Variants in SGCZ observed in about 807,000 individuals in gnomAD.
SGCZ encodes the protein zeta-sarcoglycan.
SGCZ carries 40 observed loss-of-function variants against 41.3 expected under a neutral mutation model. The observed-to-expected ratio is 0.97, with a 90% CI of 0.75 to 1.26. SGCZ has a LOEUF of 1.26. Among genes scored for constraint, SGCZ ranks in the 50% most tolerant of loss-of-function variants. SGCZ has a pLI of 0.00. For missense variants in SGCZ, 552 were observed against 369.8 expected (o/e 1.49, Z -4.04); for synonymous variants, 206 against 137.5 (o/e 1.50, Z -3.49).
At chr8:14,290,788 C>G (rs1007812167) in intron 3 of SGCZ, among the ~76,000 whole-genome samples, 8 of 152,026 alleles carry the variant, frequency 5.3e-5, no homozygotes, top group African/African-American at 1.9e-4. Flanking sequence ...TGGAGGTTCC[C>G]TCATAAGCTA....
rs79046514 is a variant in SGCZ at position 14,320,401 on chromosome 8, C to T, written c.336+3702G>A. 6.8e-3 allele frequency among the ~76,000 whole-genome samples: 1,023 copies of T among 151,512 alleles called. 8 individuals carry two copies. Among genetic ancestry groups the T allele is most frequent in the Non-Finnish European group, 0.01 (701 of 67,834 alleles). ...GTAATCAGGAAAGACATTTGCTGTG[C>T]TCGCCTGGCCCCATGGCTTTGTGAC... On this transcript the variant is annotated intron_variant, in intron 3 of 7. Coordinates refer to ENST00000382080, the MANE Select transcript of SGCZ (RefSeq NM_139167.4).
intron 1 of SGCZ, among the ~76,000 whole-genome samples, chr8:14,669,989 C>A (rs141482377): frequency 1.4e-4 from 22 of 152,286 alleles, no homozygotes; most frequent in African/African-American, 2.4e-4. Flanking sequence ...ACAGCATATA[C>A]AAGTACAGCA....
At chr8:14,981,042 C>A (rs371690348) in intron 1 of SGCZ, among the ~76,000 whole-genome samples, 6 of 152,152 alleles carry the variant, frequency 3.9e-5, no homozygotes, top group African/African-American at 1.2e-4. Flanking sequence ...CCTACTAAAT[C>A]TTAATTAAAT....
intron 1 of SGCZ, among the ~76,000 whole-genome samples, chr8:14,683,219 A>G (rs1487180364): frequency 6.6e-6 from 1 of 152,180 alleles, no homozygotes. Context: ...CAATAGACTA[A>G]TTTATAATAA....
At chr8:14,876,276 G>C (rs1050729982) in intron 1 of SGCZ, among the ~76,000 whole-genome samples, 4 of 152,104 alleles carry the variant, frequency 2.6e-5, no homozygotes, top group African/African-American at 7.2e-5. Flanking sequence ...GAAGAAGACA[G>C]GGGGAAATGG....
At chr8:14,794,909 C>A (rs1801075533) in intron 1 of SGCZ, among the ~76,000 whole-genome samples, 1 of 152,142 alleles carries the variant, frequency 6.6e-6, no homozygotes, top group Admixed American at 6.5e-5. Context: ...AGAAAAATAA[C>A]TGTCAATGAA....
intron 1 of SGCZ, among the ~76,000 whole-genome samples, chr8:14,575,640 T>C (rs917715906): frequency 1.3e-5 from 2 of 151,938 alleles, no homozygotes; most frequent in Admixed American, 1.3e-4. Flanking sequence ...GGCACAGTGG[T>C]GTACGCCTGT....
At chr8:14,560,242 T>C (rs755132297) in intron 1 of SGCZ, among the ~76,000 whole-genome samples, 5 of 152,024 alleles carry the variant, frequency 3.3e-5, no homozygotes, top group Non-Finnish European at 5.9e-5. Flanking sequence ...AAGATAAATG[T>C]TTGAGGTTAT....
chr8:15,204,178 A>T lies in SGCZ; in HGVS notation c.39+33407T>A, dbSNP rs575473275. On this transcript the variant is annotated intron_variant, in intron 1 of 7. Coordinates refer to ENST00000382080, the MANE Select transcript of SGCZ (RefSeq NM_139167.4). Reference sequence around the variant, plus strand: ...AGAACTCTGTATATCCAATGGTAATAAAGAGGCAGTTGATCACCTTAAGAT... The same window carrying T: ...AGAACTCTGTATATCCAATGGTAATTAAGAGGCAGTTGATCACCTTAAGAT... Among the ~76,000 whole-genome samples the T allele has an allele frequency of 2.0e-5, 3 of 152,314 alleles. No homozygotes were observed. In the East Asian group the frequency reaches 5.8e-4, roughly 29 times the overall value.
intron 2 of SGCZ, among the ~76,000 whole-genome samples, chr8:14,354,423 T>A (rs1803216955): frequency 6.6e-6 from 1 of 152,034 alleles, no homozygotes; most frequent in South Asian, 2.1e-4. Flanking sequence ...TATAGTAAGA[T>A]ATTTTCTAAG....
chr8:14,469,488 T>C (rs1274974094), intron 2 of SGCZ, among the ~76,000 whole-genome samples: 1 of 152,118 alleles, frequency 6.6e-6, no homozygotes, highest in South Asian at 2.1e-4. Context: ...TAAATGATTG[T>C]CTCCATGAGT....
intron 1 of SGCZ, among the ~76,000 whole-genome samples, chr8:14,849,731 T>A (rs892851129): frequency 6.6e-6 from 1 of 152,134 alleles, no homozygotes; most frequent in African/African-American, 2.4e-5. Flanking sequence ...GGTGTCTATT[T>A]AATGAATGTA....
chr8:14,890,574 A>T (rs1482703337), intron 1 of SGCZ, among the ~76,000 whole-genome samples: 1 of 152,232 alleles, frequency 6.6e-6, no homozygotes, highest in Admixed American at 6.5e-5. Context: ...GAAAGAAACC[A>T]TCCCCATAAC....
chr8:14,332,816 G>A (rs369155671), intron 2 of SGCZ, among the ~76,000 whole-genome samples: 2 of 150,612 alleles, frequency 1.3e-5, no homozygotes, highest in South Asian at 4.2e-4. Context: ...TAGATATATA[G>A]AATATACTTA....
chr8:14,847,808 A>T (rs1053313271), intron 1 of SGCZ, among the ~76,000 whole-genome samples: 15 of 149,226 alleles, frequency 1.0e-4, no homozygotes, highest in African/African-American at 3.2e-4. Flanking sequence ...AAAAAAAAAA[A>T]CCTGACTGTT....
intron 1 of SGCZ, among the ~76,000 whole-genome samples, chr8:15,236,425 G>C (rs887225434): frequency 6.6e-6 from 1 of 151,546 alleles, no homozygotes; most frequent in South Asian, 2.1e-4. Flanking sequence ...TCTATTCGTC[G>C]TTTCTCCAGC....
chr8:15,035,697 C>T (rs1476198805), intron 1 of SGCZ, among the ~76,000 whole-genome samples: 1 of 151,888 alleles, frequency 6.6e-6, no homozygotes, highest in African/African-American at 2.4e-5. Context: ...AGCTACGCTT[C>T]AGTAAAATAA....
chr8:14,945,224 G>A (rs899036863), intron 1 of SGCZ, among the ~76,000 whole-genome samples: 1 of 151,952 alleles, frequency 6.6e-6, no homozygotes, highest in Non-Finnish European at 1.5e-5. Flanking sequence ...TGAATTTATG[G>A]AGAACACAAA....
intron 2 of SGCZ, among the ~76,000 whole-genome samples, chr8:14,339,831 A>G (rs1474262731): frequency 6.6e-6 from 1 of 152,202 alleles, no homozygotes; most frequent in African/African-American, 2.4e-5. Flanking sequence ...AAAATTGACG[A>G]ATATATTGGA....
Sources: gnomAD v4.1 joint callset for allele counts (sites outside exome capture counted in the v4.1 genomes callset) on GRCh38, gnomAD v4.1.1 for gene constraint, MANE v1.5 for transcripts, NCBI Gene and HGNC (gene_info 2026-07-23, HGNC 2026-07-21) for gene names.